The following BMPR1B variants were observed in gnomAD, a reference collection of about 807,000 sequenced individuals.
The protein encoded by BMPR1B is bone morphogenetic protein receptor type 1B.
A neutral mutation model predicts 59.1 loss-of-function variants in BMPR1B; 12 were observed. The ratio of observed to expected loss-of-function variants is 0.20; its 90% CI spans 0.13 to 0.33. The LOEUF (loss-of-function observed/expected upper bound fraction) is 0.33. Among genes scored for constraint, BMPR1B ranks in the 10% least tolerant of loss-of-function variants. The probability of loss-of-function intolerance (pLI) is 1.00; values close to 1 mark genes in which losing one functional copy is unlikely to be tolerated. For missense variants in BMPR1B, 550 were observed against 610.9 expected, an observed-to-expected ratio of 0.90 and a Z score of 1.05; for synonymous variants, 237 against 207.3, an observed-to-expected ratio of 1.14 and a Z score of -1.23.
chr4:94,765,904 A>G (rs1302432433), intron 1 of BMPR1B, among the ~76,000 whole-genome samples: 1 of 152,134 alleles, frequency 6.6e-6, no homozygotes, highest in African/African-American at 2.4e-5. Flanking sequence ...CTAGGTTTGA[A>G]TCGTGGCTGT....
chr4:95,114,635 T>G, intron 4 of BMPR1B, 85 bp from the exon 5 acceptor site: 12 of 1,131,568 alleles, frequency 1.1e-5, no homozygotes, highest in Non-Finnish European at 1.6e-5. Flanking sequence ...ACTTATTTCC[T>G]TTTCCCCTAG....
In BMPR1B at chr4:94,960,648, A is replaced by G. The variant is rs79509256; in HGVS notation, c.-112-35392A>G. ...GTTTTATTACTACAGACAGAAGGAA[A>G]ACAGTTTATTGAGTAGCTTTCAGCC... On this transcript the variant is annotated intron_variant, in intron 2 of 12. Transcript: ENST00000515059. 7.7e-3 allele frequency among the ~76,000 whole-genome samples: 1,165 copies of G among 152,246 alleles called. 16 individuals are homozygous for G. Among genetic ancestry groups the G allele is most frequent in the African/African-American group, 0.024 (1,001 of 41,562 alleles).
Position 95,125,138 on chromosome 4 carries a change from T to G in BMPR1B, c.585+17T>G, listed in dbSNP as rs1732815314. 2 of 1,613,248 alleles carry G rather than the reference T, an allele frequency of 1.2e-6. No individual in the cohort carries two copies. The highest frequency in any genetic ancestry group is 4.5e-5 in the East Asian group (2 of 44,842). Reference sequence around the variant, plus strand: ...CCTCTGCTGGTATGAGAAGAACACATCTTGAATTTAAAGGAAATGTTTTCT... The same window carrying G: ...CCTCTGCTGGTATGAGAAGAACACAGCTTGAATTTAAAGGAAATGTTTTCT... On this transcript the variant is annotated intron_variant, in intron 8 of 12. Transcript: ENST00000515059.
intron 2 of BMPR1B, among the ~76,000 whole-genome samples, chr4:94,933,552 A>G (rs917691688): frequency 6.6e-6 from 1 of 152,100 alleles, no homozygotes; most frequent in Non-Finnish European, 1.5e-5. Context: ...TATAAGACAT[A>G]TCTACTGCAA....
chr4:94,934,635 C>T (rs1729221323), intron 2 of BMPR1B, among the ~76,000 whole-genome samples: 1 of 151,996 alleles, frequency 6.6e-6, no homozygotes, highest in Non-Finnish European at 1.5e-5. Flanking sequence ...GAATTGCATA[C>T]AATGGGCTAT....
intron 12 of BMPR1B, 67 bp downstream of exon 12, chr4:95,152,840 T>G: frequency 6.4e-7 from 1 of 1,565,848 alleles, no homozygotes; most frequent in Non-Finnish European, 8.7e-7. Context: ...TTAGCTAAAA[T>G]TCCACATATT....
At position 95,092,519 on chromosome 4, in the gene BMPR1B, G is replaced by A. The variant is rs181531134; in HGVS notation, c.-17-11889G>A. Among the ~76,000 whole-genome samples, 27 of 152,098 alleles carry A rather than the reference G, an allele frequency of 1.8e-4. No individual in the cohort carries two copies. In the East Asian group the frequency reaches 4.8e-3, roughly 27 times the overall value. On this transcript the variant is annotated intron_variant, in intron 3 of 12. Coordinates refer to ENST00000515059, the MANE Select transcript of BMPR1B (RefSeq NM_001203.3). ...CCAGAGATAGACCTTTAAACTCATT[G>A]GTGATGATAATAGTTGATAATAGTG...
intron 2 of BMPR1B, among the ~76,000 whole-genome samples, chr4:94,902,086 TGG>T (rs745912953): frequency 0.013 from 1,504 of 111,910 alleles, 27 homozygotes; most frequent in African/African-American, 0.035. Context: ...TGTGTGTGTG[TGG>T]GGTGTATTTA....
At chr4:94,758,628 G>A (rs763692047) in intron 1 of BMPR1B, among the ~76,000 whole-genome samples, 62 of 152,130 alleles carry the variant, frequency 4.1e-4, no homozygotes, top group Non-Finnish European at 8.1e-4. Flanking sequence ...GTGCGCAGCG[G>A]GCTGGTCCCG....
At chr4:94,869,095 AACAC>A (rs59407857) in intron 1 of BMPR1B, among the ~76,000 whole-genome samples, 21,557 of 144,228 alleles carry the variant, frequency 0.15, 1,531 homozygotes, top group East Asian at 0.18. Flanking sequence ...TTTACTATCA[AACAC>A]ACACACACAC....
intron 6 of BMPR1B, among the ~76,000 whole-genome samples, chr4:95,117,907 A>C (rs565801351): frequency 2.0e-5 from 3 of 152,184 alleles, no homozygotes; most frequent in Non-Finnish European, 2.9e-5. Flanking sequence ...AAATAGTAGA[A>C]TAAAACTCCA....
intron 3 of BMPR1B, among the ~76,000 whole-genome samples, chr4:95,053,801 GTTGT>G (rs1026314267): frequency 3.3e-5 from 5 of 152,070 alleles, no homozygotes; most frequent in Non-Finnish European, 7.4e-5. Context: ...TACACTTGAG[GTTGT>G]TTATTTTATT....
intron 1 of BMPR1B, among the ~76,000 whole-genome samples, chr4:94,796,326 G>A (rs1723193829): frequency 6.6e-6 from 1 of 152,208 alleles, no homozygotes. Flanking sequence ...GTACTTAGTA[G>A]TGTTTAGGTG....
At chr4:94,857,047 T>C (rs1191793821) in intron 1 of BMPR1B, among the ~76,000 whole-genome samples, 3 of 151,988 alleles carry the variant, frequency 2.0e-5, no homozygotes, top group Non-Finnish European at 4.4e-5. Context: ...TTTTAAAAAC[T>C]GAAGTAAAGA....
At chr4:94,915,606 CATAATGAAGA>C (rs1191505966) in intron 2 of BMPR1B, among the ~76,000 whole-genome samples, 1 of 152,108 alleles carries the variant, frequency 6.6e-6, no homozygotes, top group Admixed American at 6.5e-5. Context: ...ACACAATTAA[CATAATGAAGA>C]TATTACTATA....
At chr4:94,895,281 A>T (rs1429282781) in intron 2 of BMPR1B, among the ~76,000 whole-genome samples, 3 of 152,024 alleles carry the variant, frequency 2.0e-5, no homozygotes, top group African/African-American at 7.2e-5. Context: ...GAATAGGCTA[A>T]ATGCTCTACA....
At position 95,105,037 on chromosome 4, in the gene BMPR1B, T is replaced by C. The variant is rs528576297; in HGVS notation, c.143+470T>C. Among the ~76,000 whole-genome samples, 297 of 152,244 alleles carry C rather than the reference T, an allele frequency of 2.0e-3. 1 individual carries two copies. The highest frequency in any genetic ancestry group is 0.01 in the Middle Eastern group (3 of 294). On this transcript the variant is annotated intron_variant, in intron 4 of 12. Transcript: ENST00000515059. The stretch of plus-strand genomic sequence containing the variant: ...GGAAGCAGTGCAGTGGTAGAGCTCA[T>C]GCGATTCCCCAAGTTGCTAAGAAAG...
intron 3 of BMPR1B, among the ~76,000 whole-genome samples, chr4:95,025,910 A>G (rs1724320841): frequency 6.6e-6 from 1 of 152,176 alleles, no homozygotes; most frequent in African/African-American, 2.4e-5. Context: ...TTGCTTTAAG[A>G]CAGCACATGT....
At chr4:95,061,038 T>A (rs1214028598) in intron 3 of BMPR1B, among the ~76,000 whole-genome samples, 1 of 9,434 alleles carries the variant, frequency 1.1e-4, no homozygotes, top group Non-Finnish European at 2.3e-4. Context: ...GTAGTCTGAT[T>A]GTTGTTATCA....
Sources: gnomAD v4.1 joint callset for allele counts (sites outside exome capture counted in the v4.1 genomes callset) on GRCh38, gnomAD v4.1.1 for gene constraint, MANE v1.5 for transcripts, NCBI Gene and HGNC (gene_info 2026-07-23, HGNC 2026-07-21) for gene names.